FTO: variants seen among roughly 807,000 people sequenced by gnomAD.
FTO encodes the protein FTO alpha-ketoglutarate dependent dioxygenase, also known as alpha-ketoglutarate-dependent dioxygenase FTO.
In FTO, 47 loss-of-function variants were observed where a neutral mutation model predicts 63.9. The observed-to-expected ratio is 0.74, with a 90% CI of 0.58 to 0.94. The LOEUF (loss-of-function observed/expected upper bound fraction) is 0.94. Ranked by LOEUF, FTO falls within the 40% of genes least tolerant of loss-of-function variation. The probability of loss-of-function intolerance (pLI) is 0.00; values close to 1 mark genes in which losing one functional copy is unlikely to be tolerated. For synonymous variants in FTO, 207 were observed against 224.4 expected (o/e 0.92, Z 0.69); for missense variants, 562 against 618.1 (o/e 0.91, Z 0.96).
intron 1 of FTO, among the ~76,000 whole-genome samples, chr16:53,716,115 G>A (rs2075889583): frequency 6.6e-6 from 1 of 152,088 alleles, no homozygotes; most frequent in Non-Finnish European, 1.5e-5. Context: ...TTTTTGCTGT[G>A]TTATCAAAAG....
chr16:53,931,296 G>A lies in FTO; in HGVS notation c.1240-2689G>A, dbSNP rs575199659. Among the ~76,000 whole-genome samples, 585 of 133,614 alleles carry A rather than the reference G, an allele frequency of 4.4e-3. 4 individuals carry two copies. Among genetic ancestry groups the A allele is most frequent in the African/African-American group, 0.016 (565 of 34,654 alleles). The allele number at this position is 133,614 out of a possible 152,430, so 87.7% of individuals were successfully genotyped here. A position where few individuals can be genotyped will look rare whatever the true frequency, so the allele number is the denominator to read the frequency against. On this transcript the variant is annotated intron_variant, in intron 7 of 8. Coordinates refer to ENST00000471389, the MANE Select transcript of FTO (RefSeq NM_001080432.3). ...CCACAGATATAACCACAAACTATGTGACTTTTTTTTTTTTTTTTTTTTTTT... is the reference window on the plus strand; with the variant it reads ...CCACAGATATAACCACAAACTATGTAACTTTTTTTTTTTTTTTTTTTTTTT...
chr16:53,983,943 G>A (rs1269453721), intron 8 of FTO, among the ~76,000 whole-genome samples: 1 of 152,126 alleles, frequency 6.6e-6, no homozygotes. Context: ...TGTATTTGAG[G>A]GCTAGCTTTG....
chr16:53,951,041 G>A (rs2143520527), intron 8 of FTO, among the ~76,000 whole-genome samples: 1 of 152,316 alleles, frequency 6.6e-6, no homozygotes, highest in East Asian at 1.9e-4. Flanking sequence ...TCTATATAGT[G>A]ATAATATATT....
At chr16:53,875,259 G>C (rs1334088530) in intron 5 of FTO, among the ~76,000 whole-genome samples, 1 of 152,126 alleles carries the variant, frequency 6.6e-6, no homozygotes, top group Admixed American at 6.5e-5. Flanking sequence ...TTGAGTATAT[G>C]GCTACTTAAG....
chr16:53,745,423 C>T (rs1027007760), intron 1 of FTO, among the ~76,000 whole-genome samples: 37 of 152,136 alleles, frequency 2.4e-4, no homozygotes, highest in Non-Finnish European at 3.8e-4. Context: ...AGCCCCAGAA[C>T]GTTGCTATGA....
At chr16:53,910,057 A>C (rs1489415450) in intron 7 of FTO, among the ~76,000 whole-genome samples, 1 of 152,068 alleles carries the variant, frequency 6.6e-6, no homozygotes, top group Non-Finnish European at 1.5e-5. Context: ...ATGCCCGGCT[A>C]ATTTATTATT....
intron 3 of FTO, among the ~76,000 whole-genome samples, chr16:53,841,481 T>C (rs1299373491): frequency 8.5e-5 from 13 of 152,168 alleles, no homozygotes; most frequent in Non-Finnish European, 1.5e-5. Flanking sequence ...AGACCAAACT[T>C]AGGGGAAAGA....
At chr16:53,958,672 C>A (rs1184442417) in intron 8 of FTO, among the ~76,000 whole-genome samples, 1 of 152,162 alleles carries the variant, frequency 6.6e-6, no homozygotes, top group East Asian at 1.9e-4. Flanking sequence ...GAGATCTGTG[C>A]AAAAGACAAT....
chr16:53,815,941 A>G (rs1202421898), intron 2 of FTO, among the ~76,000 whole-genome samples: 1 of 151,808 alleles, frequency 6.6e-6, no homozygotes, highest in African/African-American at 2.4e-5. Context: ...GAGCCACTGC[A>G]CCCAGCTGCC....
intron 8 of FTO, among the ~76,000 whole-genome samples, chr16:53,986,916 G>A (rs1370184243): frequency 6.6e-6 from 1 of 152,136 alleles, no homozygotes; most frequent in Non-Finnish European, 1.5e-5. Context: ...AAGTACACTT[G>A]TTATTATAGT....
intron 8 of FTO, among the ~76,000 whole-genome samples, chr16:54,004,830 G>A (rs540589583): frequency 1.2e-4 from 18 of 152,218 alleles, no homozygotes; most frequent in Admixed American, 4.6e-4. Flanking sequence ...CAGTACTTTG[G>A]GAGGCTGAGG....
At chr16:53,924,042 A>G (rs1304834464) in intron 7 of FTO, among the ~76,000 whole-genome samples, 4 of 152,174 alleles carry the variant, frequency 2.6e-5, no homozygotes, top group African/African-American at 9.6e-5. Flanking sequence ...TGGCTGTGAT[A>G]TTTTAGGATT....
chr16:53,966,472 T>A (rs2083199643), intron 8 of FTO, among the ~76,000 whole-genome samples: 1 of 152,174 alleles, frequency 6.6e-6, no homozygotes, highest in African/African-American at 2.4e-5. Context: ...TCCAAGCAGC[T>A]GCCTTTATAA....
intron 7 of FTO, among the ~76,000 whole-genome samples, chr16:53,902,660 G>A (rs973175618): frequency 1.3e-5 from 2 of 152,084 alleles, no homozygotes; most frequent in Non-Finnish European, 2.9e-5. Flanking sequence ...GTTGCCTTGT[G>A]GAGCCATTTT....
intron 8 of FTO, among the ~76,000 whole-genome samples, chr16:53,939,907 A>G (rs1475684384): frequency 6.6e-6 from 1 of 152,130 alleles, no homozygotes; most frequent in Non-Finnish European, 1.5e-5. Flanking sequence ...ATTGATGGAC[A>G]TTTGGGTGGG....
At position 53,824,502 on chromosome 16, in the gene FTO, A is replaced by G. The variant is rs141227916; in HGVS notation, c.124-1362A>G. Among the ~76,000 whole-genome samples, 104 of 152,214 alleles carry G rather than the reference A, an allele frequency of 6.8e-4. No homozygotes were observed. In the East Asian group the frequency reaches 0.018, roughly 27 times the overall value. ...TGTTTCTGTCTTAGTACTTAACACA[A>G]TTTGGGGTTGCTTTTCTTTATTTAT... On this transcript the variant is annotated intron_variant, in intron 2 of 8. Transcript: ENST00000471389.
intron 8 of FTO, among the ~76,000 whole-genome samples, chr16:53,977,581 C>A (rs772459991): frequency 1.3e-5 from 2 of 152,106 alleles, no homozygotes; most frequent in Admixed American, 6.6e-5. Flanking sequence ...TCCCTCAAAT[C>A]TTTGAAGTTT....
At chr16:54,031,513 T>A (rs757806845) in intron 8 of FTO, among the ~76,000 whole-genome samples, 39 of 152,144 alleles carry the variant, frequency 2.6e-4, no homozygotes, top group Non-Finnish European at 4.6e-4. Context: ...TCTTTGTGCC[T>A]GAGTCAGTTT....
chr16:53,738,671 A>G (rs1474176804), intron 1 of FTO, among the ~76,000 whole-genome samples: 5 of 152,020 alleles, frequency 3.3e-5, no homozygotes, highest in Admixed American at 3.3e-4. Flanking sequence ...GGAACTGCCA[A>G]ACTGTTTTCC....
Sources: allele counts gnomAD v4.1 joint callset (sites outside exome capture counted in the v4.1 genomes callset), GRCh38; gene constraint gnomAD v4.1.1; transcripts MANE v1.5; gene names NCBI Gene and HGNC (gene_info 2026-07-23, HGNC 2026-07-21).